Variants in SEL1L3 observed in about 807,000 individuals in gnomAD.
The protein encoded by SEL1L3 is protein sel-1 homolog 3.
SEL1L3 carries 76 observed loss-of-function variants against 142.8 expected under a neutral mutation model. That is an observed-to-expected ratio of 0.53 (90% CI 0.44 to 0.64). SEL1L3 has a LOEUF of 0.64. SEL1L3 is among the 30% of genes least tolerant of loss of function. SEL1L3 has a pLI of 0.00. For missense variants in SEL1L3, 1,262 were observed against 1,381.7 expected (o/e 0.91, Z 1.37); for synonymous variants, 504 against 519.6 (o/e 0.97, Z 0.41).
intron 15 of SEL1L3, among the ~76,000 whole-genome samples, chr4:25,780,730 T>A: frequency 6.8e-6 from 1 of 146,646 alleles, no homozygotes; most frequent in Middle Eastern, 3.6e-3. Context: ...AATATATAAA[T>A]AATATATATA....
At chr4:25,796,525 G>T (rs1034273657) in intron 11 of SEL1L3, among the ~76,000 whole-genome samples, 12 of 152,146 alleles carry the variant, frequency 7.9e-5, no homozygotes, top group Admixed American at 6.5e-4. Context: ...GTGGCCAGGT[G>T]CTCATGCCTA....
rs1717366088 is a variant in SEL1L3 at position 25,748,254 on chromosome 4, C to G, written c.*171G>C. On this transcript the variant is annotated 3_prime_UTR_variant, in exon 24 of 24. Transcript: ENST00000399878. ...ACCTTTGGTATTACCACTGCCTGAT[C>G]TGGGTACTTCCTTGTAATTTGACTT... 1 of 620,772 alleles carries G rather than the reference C, an allele frequency of 1.6e-6. No homozygotes were observed. The highest frequency in any genetic ancestry group is 3.0e-5 in the Admixed American group (1 of 33,752). The allele number at this position is 620,772 out of a possible 1,614,324, so 38.5% of individuals were successfully genotyped here.
chr4:25,756,099 C>T (rs959302224), intron 23 of SEL1L3: 22 of 985,416 alleles, frequency 2.2e-5, no homozygotes, highest in South Asian at 4.7e-5. Context: ...GAGACGCTGA[C>T]GTGCACCCCT....
chr4:25,776,078 A>C (rs1719595683), intron 17 of SEL1L3, among the ~76,000 whole-genome samples, 199 bp downstream of exon 17: 1 of 152,124 alleles, frequency 6.6e-6, no homozygotes, highest in African/African-American at 2.4e-5. Context: ...TAGAGAACAA[A>C]TTTTTGTGTA....
intron 2 of SEL1L3, among the ~76,000 whole-genome samples, chr4:25,841,487 C>T (rs1054743741): frequency 2.6e-5 from 4 of 152,210 alleles, no homozygotes; most frequent in African/African-American, 9.7e-5. Context: ...TAAATAGCTT[C>T]ATGACATCAC....
At chr4:25,827,416 T>C (rs1285454495) in intron 6 of SEL1L3, among the ~76,000 whole-genome samples, 2 of 152,172 alleles carry the variant, frequency 1.3e-5, no homozygotes, top group Non-Finnish European at 2.9e-5. Flanking sequence ...AGACTGAAGT[T>C]ATGCTGCCAC....
chr4:25,724,577 A>T, the SEL1L3 span, among the ~76,000 whole-genome samples: 1 of 151,762 alleles, frequency 6.6e-6, no homozygotes, highest in African/African-American at 2.4e-5. Context: ...GTCTCTACTA[A>T]AAATACAAAA....
At chr4:25,787,481 G>T (rs925852513) in intron 13 of SEL1L3, among the ~76,000 whole-genome samples, 3 of 152,100 alleles carry the variant, frequency 2.0e-5, no homozygotes, top group African/African-American at 7.2e-5. Context: ...CACCACACCT[G>T]GCTAATTTTT....
intron 2 of SEL1L3, among the ~76,000 whole-genome samples, chr4:25,842,433 T>C (rs1716232625): frequency 6.6e-6 from 1 of 152,132 alleles, no homozygotes; most frequent in African/African-American, 2.4e-5. Context: ...AAGAAACTGC[T>C]TTAGCAAAGA....
At chr4:25,767,263 G>C (rs570371956) in intron 19 of SEL1L3, among the ~76,000 whole-genome samples, 3 of 152,220 alleles carry the variant, frequency 2.0e-5, no homozygotes, top group African/African-American at 7.2e-5. Flanking sequence ...CCAGCCCGGG[G>C]AACAGAGTGA....
intron 17 of SEL1L3, among the ~76,000 whole-genome samples, chr4:25,775,444 T>C (rs1446795291): frequency 6.6e-6 from 1 of 152,226 alleles, no homozygotes; most frequent in Middle Eastern, 3.2e-3. Flanking sequence ...CAGAGTATGA[T>C]CAATGCTGAG....
At chr4:25,720,021 T>C in the SEL1L3 span, 3 of 152,190 alleles carry the variant, frequency 2.0e-5, no homozygotes, top group East Asian at 5.8e-4. Context: ...TTAATGTAAA[T>C]AGAGGGCATT....
At chr4:25,780,139 G>A (rs572421113) in intron 15 of SEL1L3, among the ~76,000 whole-genome samples, 113 of 152,130 alleles carry the variant, frequency 7.4e-4, no homozygotes, top group African/African-American at 2.4e-3. Context: ...ACACCTTGGA[G>A]TCACCCCTGA....
intron 1 of SEL1L3, chr4:25,861,855 G>A (rs1216121685): frequency 6.6e-6 from 1 of 152,118 alleles, no homozygotes; most frequent in Non-Finnish European, 1.5e-5. Context: ...CAAAGGAACT[G>A]AGAAAATTTC....
At chr4:25,756,849 GA>G in intron 23 of SEL1L3, 1 of 1,276,808 alleles carries the variant, frequency 7.8e-7, no homozygotes, top group Non-Finnish European at 1.0e-6. Context: ...AAATGAAAGG[GA>G]AGACTTCATG....
chr4:25,739,926 TC>T, the SEL1L3 span, among the ~76,000 whole-genome samples: 23 of 152,054 alleles, frequency 1.5e-4, no homozygotes, highest in African/African-American at 4.8e-4. Context: ...TCTTTTTTTT[TC>T]ATTCATCAAT....
At chr4:25,810,033 G>A (rs915403447) in intron 9 of SEL1L3, among the ~76,000 whole-genome samples, 1 of 152,190 alleles carries the variant, frequency 6.6e-6, no homozygotes, top group East Asian at 1.9e-4. Context: ...CGGAGCCTGG[G>A]GGCAAGAGGC....
rs780600448 is a variant in SEL1L3, at chr4:25,847,517, T to C, written c.510A>G (p.Ala170=). 1.7e-5 allele frequency: 28 copies of C among 1,613,796 alleles called. No homozygotes were observed. In the Admixed American group the frequency reaches 2.5e-4, roughly 14 times the overall value. ...GAGTAATCCAGGCGCGTACTATCACTGCAGATACAGAGATGGAATGTCTGA... is the reference window on the plus strand; with the variant it reads ...GAGTAATCCAGGCGCGTACTATCACCGCAGATACAGAGATGGAATGTCTGA... ...YFIRHSISVS[A]VIVRAWITHK... Residue 170 remains alanine, a synonymous_variant, in exon 2 of 24, where the codon GCA becomes GCG. Transcript: ENST00000399878.
intron 6 of SEL1L3, among the ~76,000 whole-genome samples, chr4:25,822,718 G>T (rs369000481): frequency 1.3e-5 from 2 of 152,314 alleles, no homozygotes; most frequent in Non-Finnish European, 2.9e-5. Context: ...GTGAGCACAG[G>T]TGATGAGTTG....
Sources: allele counts gnomAD v4.1 joint callset (sites outside exome capture counted in the v4.1 genomes callset), GRCh38; gene constraint gnomAD v4.1.1; transcripts MANE v1.5; gene names NCBI Gene and HGNC (gene_info 2026-07-23, HGNC 2026-07-21).